The following AZIN2 variants were observed in gnomAD, a reference collection of about 807,000 sequenced individuals.
AZIN2 encodes ODC antizyme inhibitor-2.
In AZIN2, 28 loss-of-function variants were observed where a neutral mutation model predicts 47.8. That is an observed-to-expected ratio of 0.59 (90% CI 0.43 to 0.80). The LOEUF (loss-of-function observed/expected upper bound fraction) is 0.80, where lower values mean the gene tolerates loss of function less well. Ranked by LOEUF, AZIN2 falls within the 30% of genes least tolerant of loss-of-function variation. The pLI, the probability that AZIN2 is intolerant of heterozygous loss-of-function variation, is 0.00. For synonymous variants in AZIN2, 221 were observed against 239.4 expected, an observed-to-expected ratio of 0.92 and a Z score of 0.71; for missense variants, 535 against 582.5, an observed-to-expected ratio of 0.92 and a Z score of 0.84.
chr1:33,092,781 G>C (rs1261020880), intron 6 of AZIN2, among the ~76,000 whole-genome samples: 1 of 152,188 alleles, frequency 6.6e-6, no homozygotes, highest in Non-Finnish European at 1.5e-5. Flanking sequence ...GATGCAAATG[G>C]ACTTTCGAAG....
chr1:33,082,000 C>A lies in AZIN2; in HGVS notation c.-72-178C>A, dbSNP rs542542725. 7 of 517,290 alleles carry A rather than the reference C, an allele frequency of 1.4e-5. No individual in the cohort carries two copies. Among genetic ancestry groups the A allele is most frequent in the Non-Finnish European group, 2.5e-5 (7 of 284,468 alleles). 32.0% of individuals were successfully genotyped at this position (517,290 alleles called of 1,614,324 possible). On this transcript the variant is annotated intron_variant, in intron 3 of 11. Coordinates refer to ENST00000294517, the MANE Select transcript of AZIN2 (RefSeq NM_052998.4). The surrounding 1 kb of genome is among the most constrained non-coding windows in gnomAD (Gnocchi z 4.2). ...GGAGAGGCAGTGACATTTGGGCATA[C>A]GGTGCCTTGTCTCCGTCTGAAATCC...
the AZIN2 span, among the ~76,000 whole-genome samples, chr1:33,153,929 G>GA: frequency 2.6e-5 from 4 of 152,202 alleles, no homozygotes; most frequent in Non-Finnish European, 5.9e-5. Context: ...TAGTGAGTGA[G>GA]ACAGCCACAC....
intron 5 of AZIN2, 101 bp downstream of exon 5, chr1:33,084,228 G>A: frequency 1.4e-6 from 2 of 1,432,668 alleles, no homozygotes. Context: ...GGTACCTGTA[G>A]TTGGTCCTTG....
the AZIN2 span, among the ~76,000 whole-genome samples, chr1:33,138,589 G>T: frequency 1.3e-5 from 2 of 148,954 alleles, no homozygotes; most frequent in Non-Finnish European, 3.0e-5. Context: ...TCCAGTCTGG[G>T]TGACAGAGCG....
chr1:33,111,099 A>G (rs1488739733), intron 10 of AZIN2, among the ~76,000 whole-genome samples: 1 of 152,256 alleles, frequency 6.6e-6, no homozygotes, highest in East Asian at 1.9e-4. Flanking sequence ...GTGGGGGAGA[A>G]TCTTGCTGGA....
chr1:33,101,016 C>A lies in AZIN2; in HGVS notation c.1029+2837C>A, dbSNP rs182496795. On this transcript the variant is annotated intron_variant, in intron 10 of 11. Transcript: ENST00000294517. ...AGCTGGGATTACAGGTGTGTGCCAC[C>A]ATGCCTGGCTAATTTTTGTATTTTT... Among the ~76,000 whole-genome samples the A allele has an allele frequency of 4.2e-3, 630 of 151,678 alleles. 4 individuals are homozygous for A. Among genetic ancestry groups the A allele is most frequent in the Non-Finnish European group, 7.5e-3 (508 of 67,868 alleles).
intron 5 of AZIN2, among the ~76,000 whole-genome samples, chr1:33,085,771 A>T (rs1449676757): frequency 6.6e-6 from 1 of 151,928 alleles, no homozygotes; most frequent in African/African-American, 2.4e-5. Flanking sequence ...TGCTTTGCAC[A>T]CCTCGTTTTG....
Position 33,096,865 on chromosome 1 carries a change from G to A in AZIN2, c.912G>A (p.Arg304=), listed in dbSNP as rs779978119. 6.2e-7 allele frequency: 1 copy of A among 1,614,130 alleles called. No homozygotes were observed. The highest frequency in any genetic ancestry group is 1.1e-5 in the South Asian group (1 of 91,078). The change falls in exon 9 of 12, where the codon AGG becomes AGA. Residue 304 remains arginine, a synonymous_variant. Transcript: ENST00000294517. ...AGGTTCTGCTAGACCAGCCTGGCAG[G>A]GAGGGTAGGTGCCAGGTGGGCAGTG... ...KKEVLLDQPG[R]EEENGSTSKT...
At chr1:33,104,518 C>A (rs548387359) in intron 10 of AZIN2, among the ~76,000 whole-genome samples, 1 of 151,176 alleles carries the variant, frequency 6.6e-6, no homozygotes, top group Admixed American at 6.6e-5. Flanking sequence ...CTTTTGTGCT[C>A]TGCTGTTATA....
the AZIN2 span, among the ~76,000 whole-genome samples, chr1:33,137,286 A>G: frequency 1.3e-5 from 2 of 152,216 alleles, no homozygotes; most frequent in Non-Finnish European, 2.9e-5. Context: ...GTAAGCAGAA[A>G]GTCATCTTAA....
At chr1:33,157,385 T>G in the AZIN2 span, among the ~76,000 whole-genome samples, 2 of 152,152 alleles carry the variant, frequency 1.3e-5, no homozygotes, top group Non-Finnish European at 2.9e-5. Context: ...CCTACGTGGC[T>G]CACTCTTCTT....
chr1:33,165,738 C>G, the AZIN2 span: 1 of 481,002 alleles, frequency 2.1e-6, no homozygotes, highest in African/African-American at 2.0e-5. This position sits in a 1 kb window ranked among gnomAD's most constrained non-coding sequence, Gnocchi z 4.0. Flanking sequence ...GTCTCCTAAA[C>G]ACCTCCAGAA....
At chr1:33,151,179 T>C in the AZIN2 span, among the ~76,000 whole-genome samples, 19 of 152,070 alleles carry the variant, frequency 1.2e-4, no homozygotes, top group Admixed American at 1.3e-4. Flanking sequence ...AAGATAAGCC[T>C]GCAGATTGGA....
chr1:33,127,327 A>G (rs1644863995), downstream of AZIN2, among the ~76,000 whole-genome samples: 1 of 152,256 alleles, frequency 6.6e-6, no homozygotes, highest in Non-Finnish European at 1.5e-5. Flanking sequence ...TCCGTATTCG[A>G]GAGCCTTCTA....
chr1:33,161,544 G>A, the AZIN2 span, among the ~76,000 whole-genome samples: 1 of 152,154 alleles, frequency 6.6e-6, no homozygotes, highest in Admixed American at 6.5e-5. The surrounding 1 kb of genome is among the most constrained non-coding windows in gnomAD (Gnocchi z 4.3). Flanking sequence ...TGCTGGCGGT[G>A]GGCCAGCCTC....
At chr1:33,149,743 C>T in the AZIN2 span, among the ~76,000 whole-genome samples, 1 of 152,244 alleles carries the variant, frequency 6.6e-6, no homozygotes, top group Non-Finnish European at 1.5e-5. Context: ...GTGTGAGCCA[C>T]TGCACCTGGC....
intron 10 of AZIN2, among the ~76,000 whole-genome samples, chr1:33,117,343 C>T (rs1267357555): frequency 6.6e-6 from 1 of 152,064 alleles, no homozygotes; most frequent in Non-Finnish European, 1.5e-5. Context: ...GGGAGGGCTT[C>T]ATAGACGAGG....
At chr1:33,135,946 C>G in the AZIN2 span, among the ~76,000 whole-genome samples, 9 of 152,022 alleles carry the variant, frequency 5.9e-5, no homozygotes, top group Admixed American at 5.9e-4. Flanking sequence ...CCCTCCCCAC[C>G]CTGCCGGTAA....
the AZIN2 span, among the ~76,000 whole-genome samples, chr1:33,133,770 C>T: frequency 0.021 from 3,166 of 152,298 alleles, 93 homozygotes; most frequent in African/African-American, 0.072. Context: ...TCCCACGACA[C>T]GGAGGAGGCA....
Sources: allele counts gnomAD v4.1 joint callset (sites outside exome capture counted in the v4.1 genomes callset), GRCh38; gene constraint gnomAD v4.1.1; non-coding constraint Gnocchi (gnomAD v3.1); transcripts MANE v1.5; gene names NCBI Gene and HGNC (gene_info 2026-07-23, HGNC 2026-07-21).